Variants in DAAM1 observed in about 807,000 individuals in gnomAD.
The protein encoded by DAAM1 is dishevelled associated activator of morphogenesis 1.
Under a neutral mutation model 130.0 loss-of-function variants are expected in DAAM1, and 52 were observed. The ratio of observed to expected loss-of-function variants is 0.40; its 90% CI spans 0.32 to 0.50. The LOEUF is 0.50. DAAM1 is among the 20% of genes least tolerant of loss of function. The pLI, the probability that DAAM1 is intolerant of heterozygous loss-of-function variation, is 0.61. For missense variants in DAAM1, 1,134 were observed against 1,303.8 expected (o/e 0.87, Z 2.01); for synonymous variants, 452 against 444.5 (o/e 1.02, Z -0.21).
chr14:59,226,541 G>A (rs1167675231), intron 1 of DAAM1, among the ~76,000 whole-genome samples: 2 of 152,148 alleles, frequency 1.3e-5, no homozygotes, highest in East Asian at 3.9e-4. Flanking sequence ...GATTGGGGGT[G>A]GGATGGGCCT....
chr14:59,210,657 G>C (rs1566650491), intron 1 of DAAM1, among the ~76,000 whole-genome samples: 1 of 152,168 alleles, frequency 6.6e-6, no homozygotes, highest in African/African-American at 2.4e-5. Flanking sequence ...CCTCAGGCTA[G>C]CTTCTGTCAT....
chr14:59,241,394 A>C (rs1312769414), intron 1 of DAAM1, among the ~76,000 whole-genome samples: 1 of 152,178 alleles, frequency 6.6e-6, no homozygotes, highest in Non-Finnish European at 1.5e-5. Context: ...TTTCCGAATT[A>C]AGTAGAGTGA....
At chr14:59,242,176 A>T (rs370120226) in intron 1 of DAAM1, among the ~76,000 whole-genome samples, 1 of 152,206 alleles carries the variant, frequency 6.6e-6, no homozygotes, top group Non-Finnish European at 1.5e-5. Context: ...TAGACTAGTA[A>T]TATTTTTTTC....
rs1471749394 is a variant in DAAM1 at position 59,323,039 on chromosome 14, T to C, written c.588T>C (p.Ala196=). 1 of 1,614,020 alleles carries C rather than the reference T, an allele frequency of 6.2e-7. No individual in the cohort carries two copies. The highest frequency in any genetic ancestry group is 8.5e-7 in the Non-Finnish European group (1 of 1,180,018). The change falls in exon 6 of 25, where the codon GCT becomes GCC. Residue 196 remains alanine (A), a synonymous_variant. Coordinates refer to ENST00000360909, the MANE Select transcript of DAAM1 (RefSeq NM_001270520.2). Reference sequence around the variant, plus strand: ...TAATGAACAACTCTCAAGGCCGGGCTCACGTCCTGGCTCATTCTGAGAGTA... The same window carrying C: ...TAATGAACAACTCTCAAGGCCGGGCCCACGTCCTGGCTCATTCTGAGAGTA... ...KALMNNSQGR[A]HVLAHSESIN...
chr14:59,208,708 T>G (rs935374522), intron 1 of DAAM1, among the ~76,000 whole-genome samples: 2 of 152,112 alleles, frequency 1.3e-5, no homozygotes, highest in African/African-American at 4.8e-5. Context: ...CCAAATCTCA[T>G]GTCGAAATGT....
intron 6 of DAAM1, among the ~76,000 whole-genome samples, chr14:59,323,820 C>A (rs1005492073): frequency 2.6e-5 from 4 of 152,010 alleles, no homozygotes; most frequent in Admixed American, 2.6e-4. Flanking sequence ...ATCGCAAGGT[C>A]AGGAGATCGA....
intron 16 of DAAM1, among the ~76,000 whole-genome samples, chr14:59,341,617 G>C (rs1885851747): frequency 6.6e-6 from 1 of 152,160 alleles, no homozygotes; most frequent in Non-Finnish European, 1.5e-5. Context: ...AAAAAACATA[G>C]TCTATGTAAG....
chr14:59,350,145 A>T (rs533431737), intron 17 of DAAM1, among the ~76,000 whole-genome samples: 10 of 152,096 alleles, frequency 6.6e-5, no homozygotes, highest in Non-Finnish European at 1.0e-4. Flanking sequence ...CCTAGAAGCT[A>T]TCAGGCCCCC....
intron 5 of DAAM1, among the ~76,000 whole-genome samples, chr14:59,321,450 T>C (rs1274116053): frequency 6.6e-6 from 1 of 152,254 alleles, no homozygotes; most frequent in Non-Finnish European, 1.5e-5. Context: ...GAATTATTTC[T>C]CAATACAAGT....
intron 23 of DAAM1, among the ~76,000 whole-genome samples, chr14:59,365,262 A>C (rs1479857628): frequency 6.6e-6 from 1 of 152,166 alleles, no homozygotes; most frequent in African/African-American, 2.4e-5. Flanking sequence ...CGTCATGATC[A>C]CTAGAATTCC....
chr14:59,315,590 T>C (rs1884761388), intron 4 of DAAM1, among the ~76,000 whole-genome samples: 1 of 152,204 alleles, frequency 6.6e-6, no homozygotes, highest in African/African-American at 2.4e-5. Flanking sequence ...TTGAGTTTAA[T>C]GTTGTAAGTG....
intron 15 of DAAM1, among the ~76,000 whole-genome samples, chr14:59,334,896 A>G (rs1309224195): frequency 6.6e-6 from 1 of 152,176 alleles, no homozygotes; most frequent in Non-Finnish European, 1.5e-5. Context: ...TAACTATAAT[A>G]TGGACTACAA....
At chr14:59,349,756 C>T (rs866816019) in intron 17 of DAAM1, among the ~76,000 whole-genome samples, 9 of 152,192 alleles carry the variant, frequency 5.9e-5, no homozygotes. Flanking sequence ...ACTCCTGATC[C>T]TCTCTTAAAA....
intron 1 of DAAM1, among the ~76,000 whole-genome samples, chr14:59,226,842 G>A (rs765994207): frequency 2.0e-5 from 3 of 152,180 alleles, no homozygotes; most frequent in African/African-American, 7.2e-5. Context: ...AATGGACTGG[G>A]ACACTAAGTA....
chr14:59,357,499 C>G (rs550437487), intron 20 of DAAM1, among the ~76,000 whole-genome samples: 1 of 152,306 alleles, frequency 6.6e-6, no homozygotes, highest in Non-Finnish European at 1.5e-5. Flanking sequence ...GAAATGGAGG[C>G]TGGGTGCAGT....
chr14:59,215,500 A>G (rs892505948), intron 1 of DAAM1, among the ~76,000 whole-genome samples: 1 of 152,238 alleles, frequency 6.6e-6, no homozygotes, highest in Non-Finnish European at 1.5e-5. Context: ...GCTGTTGGCA[A>G]GCTTGCCACC....
At chr14:59,326,239 G>A in intron 10 of DAAM1, 162 bp downstream of exon 10, 2 of 698,894 alleles carry the variant, frequency 2.9e-6, no homozygotes, top group Non-Finnish European at 4.6e-6. Context: ...CTTAAAGGGT[G>A]TTACAAAATT....
Position 59,275,928 on chromosome 14 carries a change from A to G in DAAM1, c.183+12268A>G, listed in dbSNP as rs543686976. ...TCATGTAATGACTAAGAATATTGGC[A>G]GAAATTTTACAGGCTGAAAACCTCC... On this transcript the variant is annotated intron_variant, in intron 2 of 24. Transcript: ENST00000360909. Among the ~76,000 whole-genome samples the G allele has an allele frequency of 2.6e-5, 4 of 152,336 alleles. No individual in the cohort carries two copies. In the East Asian group the frequency reaches 7.7e-4, roughly 29 times the overall value.
chr14:59,279,419 A>G (rs1883114548), intron 2 of DAAM1, among the ~76,000 whole-genome samples: 1 of 152,230 alleles, frequency 6.6e-6, no homozygotes, highest in Non-Finnish European at 1.5e-5. Context: ...ATGATTTTCA[A>G]ATTGTTTTGT....
Sources: gnomAD v4.1 joint callset for allele counts (sites outside exome capture counted in the v4.1 genomes callset) on GRCh38, gnomAD v4.1.1 for gene constraint, MANE v1.5 for transcripts, NCBI Gene and HGNC (gene_info 2026-07-23, HGNC 2026-07-21) for gene names.